CTNNA2: variants seen among roughly 807,000 people sequenced by gnomAD.
CTNNA2 encodes the protein catenin alpha 2, also known as catenin alpha-2.
A neutral mutation model predicts 101.0 loss-of-function variants in CTNNA2; 42 were observed. The observed-to-expected ratio is 0.42, with a 90% confidence interval of 0.32 to 0.54. CTNNA2 has a LOEUF of 0.54. Among genes scored for constraint, CTNNA2 ranks in the 20% least tolerant of loss-of-function variants. CTNNA2 has a pLI of 0.14. For missense variants in CTNNA2, 871 were observed against 1,223.1 expected (o/e 0.71, Z 4.29); for synonymous variants, 450 against 456.4 (o/e 0.99, Z 0.18).
chr2:79,992,924 C>G (rs1692282842), intron 7 of CTNNA2, among the ~76,000 whole-genome samples: 1 of 152,158 alleles, frequency 6.6e-6, no homozygotes, highest in South Asian at 2.1e-4. Flanking sequence ...CTGTGAGGAT[C>G]TGGTGACATG....
chr2:79,726,996 A>C (rs1573803188), intron 2 of CTNNA2, among the ~76,000 whole-genome samples: 1 of 152,330 alleles, frequency 6.6e-6, no homozygotes, highest in East Asian at 1.9e-4. Flanking sequence ...GCAAATGAAA[A>C]CCGGAAGTGA....
intron 2 of CTNNA2, among the ~76,000 whole-genome samples, chr2:79,686,287 G>A (rs1195918199): frequency 1.3e-5 from 2 of 151,980 alleles, no homozygotes; most frequent in Non-Finnish European, 2.9e-5. Context: ...GGAGAAGGAT[G>A]GATGCTATTT....
At chr2:79,948,297 C>G (rs2916485) in intron 7 of CTNNA2, among the ~76,000 whole-genome samples, 34,701 of 152,160 alleles carry the variant, frequency 0.23, 4,170 homozygotes, top group Middle Eastern at 0.33. Context: ...TGTATCACAT[C>G]AAATTCACCT....
At chr2:80,122,953 G>A (rs1434828634) in intron 7 of CTNNA2, among the ~76,000 whole-genome samples, 2 of 152,056 alleles carry the variant, frequency 1.3e-5, no homozygotes, top group Admixed American at 1.3e-4. Context: ...CCTGCACTAC[G>A]CCTACAAAAA....
At chr2:79,542,865 C>T (rs1393314462) in intron 1 of CTNNA2, among the ~76,000 whole-genome samples, 3 of 151,860 alleles carry the variant, frequency 2.0e-5, no homozygotes, top group African/African-American at 7.3e-5. Context: ...TGATTTTTTT[C>T]ACTGTAGTGC....
chr2:79,477,446 C>T (rs1427920083), intron 4 of CTNNA2, among the ~76,000 whole-genome samples: 1 of 152,188 alleles, frequency 6.6e-6, no homozygotes, highest in Non-Finnish European at 1.5e-5. Flanking sequence ...GCTAGGATTA[C>T]AGGCATGAGC....
At chr2:79,296,636 T>G (rs934012678) in intron 2 of CTNNA2, among the ~76,000 whole-genome samples, 1 of 152,184 alleles carries the variant, frequency 6.6e-6, no homozygotes, top group East Asian at 1.9e-4. Context: ...TGGAGTTTAC[T>G]GCACCTGAAA....
chr2:80,197,698 G>A (rs1350074195), intron 7 of CTNNA2, among the ~76,000 whole-genome samples: 1 of 152,126 alleles, frequency 6.6e-6, no homozygotes, highest in East Asian at 1.9e-4. Flanking sequence ...GACCCTTGAT[G>A]TGTGTGTCAG....
intron 3 of CTNNA2, among the ~76,000 whole-genome samples, chr2:79,350,022 C>A (rs576931052): frequency 2.3e-5 from 3 of 129,406 alleles, no homozygotes; most frequent in African/African-American, 9.1e-5. Flanking sequence ...TGCAGTGAGA[C>A]GAGATCACGC....
intron 3 of CTNNA2, among the ~76,000 whole-genome samples, chr2:79,371,878 A>C (rs1337336000): frequency 6.6e-6 from 1 of 152,150 alleles, no homozygotes; most frequent in Non-Finnish European, 1.5e-5. Context: ...GGGAATAGGG[A>C]GGTTGCTCCA....
intron 4 of CTNNA2, among the ~76,000 whole-genome samples, chr2:79,452,519 G>A (rs955120271): frequency 1.3e-5 from 2 of 151,840 alleles, no homozygotes; most frequent in African/African-American, 4.8e-5. Flanking sequence ...ATAGTTAAGA[G>A]AGATTTTTTC....
rs1671239246 is a variant in CTNNA2 at position 80,622,547 on chromosome 2, G to T, written c.2574+3319G>T. On this transcript the variant is annotated intron_variant, in intron 18 of 18. Transcript: ENST00000402739. ...TCCTTTAACAGCCAATATTGACAAG[G>T]TTTTAACACTAAGTAAAACTGAACA... Among the ~76,000 whole-genome samples, 4 of 151,906 alleles carry T rather than the reference G, an allele frequency of 2.6e-5. 1 individual carries two copies. In the South Asian group the frequency reaches 8.3e-4, roughly 32 times the overall value.
At chr2:79,771,464 A>C (rs149257982) in intron 3 of CTNNA2, among the ~76,000 whole-genome samples, 1 of 152,238 alleles carries the variant, frequency 6.6e-6, no homozygotes, top group South Asian at 2.1e-4. Context: ...CAATGAAATA[A>C]TTATACAACT....
chr2:80,368,521 G>A (rs1675141473), intron 7 of CTNNA2, among the ~76,000 whole-genome samples: 1 of 151,690 alleles, frequency 6.6e-6, no homozygotes, highest in Non-Finnish European at 1.5e-5. Context: ...TTTTGCTTCA[G>A]TTTAGAAAGC....
At chr2:79,294,223 A>C (rs1432697795) in intron 2 of CTNNA2, among the ~76,000 whole-genome samples, 2 of 150,328 alleles carry the variant, frequency 1.3e-5, no homozygotes, top group Non-Finnish European at 3.0e-5. Context: ...AGGAAGAAGA[A>C]GAAGAAGAAG....
chr2:79,907,355 A>G (rs1236379122), intron 6 of CTNNA2, among the ~76,000 whole-genome samples: 2 of 151,898 alleles, frequency 1.3e-5, no homozygotes, highest in African/African-American at 2.4e-5. Context: ...ACACACATAC[A>G]TATATACATA....
chr2:79,899,989 A>G (rs907629624), intron 6 of CTNNA2, among the ~76,000 whole-genome samples: 2 of 152,240 alleles, frequency 1.3e-5, no homozygotes, highest in African/African-American at 4.8e-5. Context: ...GATACACTAC[A>G]GGGAGAGTAA....
chr2:80,359,823 G>A (rs1285086506), intron 7 of CTNNA2, among the ~76,000 whole-genome samples: 1 of 152,098 alleles, frequency 6.6e-6, no homozygotes, highest in African/African-American at 2.4e-5. Flanking sequence ...CTGATGGAGT[G>A]AATCTTCCAA....
At chr2:79,516,248 A>G (rs979434298) in intron 1 of CTNNA2, among the ~76,000 whole-genome samples, 3 of 152,254 alleles carry the variant, frequency 2.0e-5, no homozygotes, top group Admixed American at 2.0e-4. Context: ...CAAAACATGT[A>G]TTAAGTAAAC....
Sources: gnomAD v4.1 joint callset for allele counts (sites outside exome capture counted in the v4.1 genomes callset) on GRCh38, gnomAD v4.1.1 for gene constraint, MANE v1.5 for transcripts, NCBI Gene and HGNC (gene_info 2026-07-23, HGNC 2026-07-21) for gene names.